The following HECW1 variants were observed in gnomAD, a reference collection of about 807,000 sequenced individuals.
HECW1 encodes the protein HECT, C2 and WW domain containing E3 ubiquitin protein ligase 1, also known as E3 ubiquitin-protein ligase HECW1.
Under a neutral mutation model 182.3 loss-of-function variants are expected in HECW1, and 61 were observed. That is an observed-to-expected ratio of 0.33 (90% CI 0.27 to 0.41). HECW1 has a LOEUF of 0.41. Among genes scored for constraint, HECW1 ranks in the 10% least tolerant of loss-of-function variants. The pLI is 1.00. For synonymous variants in HECW1, 859 were observed against 832.6 expected, an observed-to-expected ratio of 1.03 and a Z score of -0.55; for missense variants, 1,739 against 2,108.9, an observed-to-expected ratio of 0.82 and a Z score of 3.44.
intron 7 of HECW1, among the ~76,000 whole-genome samples, chr7:43,400,563 A>C (rs979691775): frequency 6.6e-6 from 1 of 152,220 alleles, no homozygotes; most frequent in African/African-American, 2.4e-5. Flanking sequence ...ATACCTACTA[A>C]AGAGAAGTAA....
intron 27 of HECW1, among the ~76,000 whole-genome samples, chr7:43,551,667 G>A (rs866127439): frequency 1.8e-4 from 28 of 152,230 alleles, no homozygotes; most frequent in Non-Finnish European, 3.2e-4. Flanking sequence ...TGGAGCATGC[G>A]ATTCTTTTTT....
At chr7:43,551,072 A>G (rs774441208) in intron 27 of HECW1, among the ~76,000 whole-genome samples, 7 of 152,202 alleles carry the variant, frequency 4.6e-5, no homozygotes, top group Non-Finnish European at 7.3e-5. Flanking sequence ...ACATCCTATG[A>G]TGTCCTTGAA....
At chr7:43,504,908 A>G (rs17151028) in intron 21 of HECW1, among the ~76,000 whole-genome samples, 45,339 of 151,978 alleles carry the variant, frequency 0.3, 6,948 homozygotes, top group South Asian at 0.46. Flanking sequence ...AGGTGTCCTC[A>G]CTAAGGTCGC....
At chr7:43,271,912 C>A (rs1447037469) in intron 3 of HECW1, among the ~76,000 whole-genome samples, 2 of 151,940 alleles carry the variant, frequency 1.3e-5, no homozygotes, top group Admixed American at 6.6e-5. Flanking sequence ...GCAAAAAGAA[C>A]AACACTGGAG....
intron 2 of HECW1, among the ~76,000 whole-genome samples, chr7:43,122,689 C>T (rs891295798): frequency 2.6e-5 from 4 of 152,028 alleles, no homozygotes; most frequent in Non-Finnish European, 4.4e-5. Context: ...GTTATTTTCT[C>T]CTTTCTCCCA....
chr7:43,277,747 GT>G (rs895436457), intron 3 of HECW1, among the ~76,000 whole-genome samples: 1 of 152,130 alleles, frequency 6.6e-6, no homozygotes, highest in African/African-American at 2.4e-5. Flanking sequence ...ACTGCCTGAA[GT>G]TCCTTCCTAC....
At chr7:43,113,675 G>T (rs969965165) in intron 1 of HECW1, 12 of 197,504 alleles carry the variant, frequency 6.1e-5, no homozygotes, top group Non-Finnish European at 9.4e-5. Context: ...GCGGGGAGGG[G>T]GGGGGAATGC....
At chr7:43,465,819 A>G (rs1051349555) in intron 14 of HECW1, among the ~76,000 whole-genome samples, 2 of 151,888 alleles carry the variant, frequency 1.3e-5, no homozygotes, top group South Asian at 4.2e-4. Context: ...GCTTGACCCC[A>G]GGAATTAAAG....
intron 3 of HECW1, chr7:43,311,523 A>G: frequency 2.8e-6 from 2 of 715,418 alleles, no homozygotes; most frequent in Admixed American, 3.5e-5. Context: ...AGACTCCAAC[A>G]AAACATGGAA....
intron 2 of HECW1, among the ~76,000 whole-genome samples, chr7:43,169,690 CTTTTTTT>C (rs374141328): frequency 2.5e-4 from 28 of 113,458 alleles, no homozygotes; most frequent in African/African-American, 8.2e-4. Flanking sequence ...TTTTTCTTTT[CTTTTTTT>C]TTTTTTTTTT....
intron 3 of HECW1, chr7:43,248,452 C>T (rs1455305537): frequency 6.6e-5 from 10 of 152,306 alleles, no homozygotes; most frequent in Admixed American, 1.3e-4. Flanking sequence ...TATCAGGAGA[C>T]AGAGGTGTAG....
intron 6 of HECW1, among the ~76,000 whole-genome samples, chr7:43,388,290 A>G (rs2074881858): frequency 6.6e-6 from 1 of 152,260 alleles, no homozygotes; most frequent in African/African-American, 2.4e-5. Context: ...CTTGGTTATT[A>G]TGCAATACAA....
At chr7:43,545,919 T>TA (rs1359445647) in intron 26 of HECW1, among the ~76,000 whole-genome samples, 1 of 152,174 alleles carries the variant, frequency 6.6e-6, no homozygotes, top group Non-Finnish European at 1.5e-5. Context: ...TTCCTTTCTC[T>TA]AAAAATGTGT....
chr7:43,547,267 A>G (rs965724166), intron 26 of HECW1, among the ~76,000 whole-genome samples: 1 of 152,158 alleles, frequency 6.6e-6, no homozygotes, highest in Non-Finnish European at 1.5e-5. Context: ...CTGTGTTTTC[A>G]GCCAGGCATG....
chr7:43,473,625 TA>T (rs955096579), intron 16 of HECW1, among the ~76,000 whole-genome samples: 208 of 134,440 alleles, frequency 1.5e-3, no homozygotes, highest in African/African-American at 2.5e-3. Context: ...CAGACTGGAA[TA>T]AAAAAAAAAA....
Position 43,562,472 on chromosome 7 carries a change from C to A in HECW1, c.*546C>A, listed in dbSNP as rs3735072. ...CATCCAAAGGACAACAGTGGCAAAG[C>A]TGAAATTTTTATACATTCAACTCAT... On this transcript the variant is annotated 3_prime_UTR_variant, in exon 30 of 30. Transcript: ENST00000395891. 1 of 228,038 alleles carries A rather than the reference C, an allele frequency of 4.4e-6. No homozygotes were observed. Among genetic ancestry groups the A allele is most frequent in the Non-Finnish European group, 8.7e-6 (1 of 114,766 alleles). 14.1% of individuals were successfully genotyped at this position (228,038 alleles called of 1,614,324 possible).
intron 3 of HECW1, among the ~76,000 whole-genome samples, chr7:43,272,450 A>G (rs1267786620): frequency 6.6e-6 from 1 of 152,212 alleles, no homozygotes; most frequent in Non-Finnish European, 1.5e-5. Context: ...AAAGTCTAAT[A>G]TCTAAAATCT....
chr7:43,554,341 C>T (rs1157740624), intron 28 of HECW1, among the ~76,000 whole-genome samples: 1 of 152,190 alleles, frequency 6.6e-6, no homozygotes, highest in Non-Finnish European at 1.5e-5. Context: ...AGAAAGCAGA[C>T]ATCTCTGAGA....
chr7:43,411,002 A>G (rs2075783012), intron 8 of HECW1, among the ~76,000 whole-genome samples: 1 of 148,652 alleles, frequency 6.7e-6, no homozygotes, highest in African/African-American at 2.5e-5. Flanking sequence ...TTATTTTTAT[A>G]TATGCCCTTA....
Sources: gnomAD v4.1 joint callset for allele counts (sites outside exome capture counted in the v4.1 genomes callset) on GRCh38, gnomAD v4.1.1 for gene constraint, MANE v1.5 for transcripts, NCBI Gene and HGNC (gene_info 2026-07-23, HGNC 2026-07-21) for gene names.